SOX6: variants seen among roughly 807,000 people sequenced by gnomAD.
SOX6 encodes SRY-box transcription factor 6, also known as transcription factor SOX-6.
In SOX6, 11 loss-of-function variants were observed where a neutral mutation model predicts 97.8. That is an observed-to-expected ratio of 0.11 (90% CI 0.07 to 0.19). The LOEUF is 0.19. Among genes scored for constraint, SOX6 ranks in the 10% least tolerant of loss-of-function variants. The probability of loss-of-function intolerance (pLI) is 1.00; values close to 1 mark genes in which losing one functional copy is unlikely to be tolerated. For synonymous variants in SOX6, 360 were observed against 371.4 expected, an observed-to-expected ratio of 0.97 and a Z score of 0.35; for missense variants, 810 against 1,039.5, an observed-to-expected ratio of 0.78 and a Z score of 3.04.
chr11:16,117,120 C>A (rs972951380), intron 6 of SOX6, among the ~76,000 whole-genome samples: 2 of 152,018 alleles, frequency 1.3e-5, no homozygotes, highest in African/African-American at 4.8e-5. Flanking sequence ...GAGGCCAAGC[C>A]GGGTGGATCA....
At chr11:16,659,496 TG>T (rs35071200) in intron 3 of SOX6, among the ~76,000 whole-genome samples, 24,715 of 152,184 alleles carry the variant, frequency 0.16, 2,647 homozygotes, top group East Asian at 0.32. Context: ...CCTTCAATAA[TG>T]TGTTAGCTAT....
chr11:16,608,377 A>T (rs558538465), intron 4 of SOX6, among the ~76,000 whole-genome samples: 1 of 152,274 alleles, frequency 6.6e-6, no homozygotes, highest in East Asian at 1.9e-4. Flanking sequence ...GCGAGTCACG[A>T]GACAAACGGA....
At chr11:16,482,177 T>C (rs1244604580) in intron 4 of SOX6, among the ~76,000 whole-genome samples, 2 of 152,204 alleles carry the variant, frequency 1.3e-5, no homozygotes, top group African/African-American at 4.8e-5. Context: ...TGGCTATTCT[T>C]TTATATTATA....
intron 3 of SOX6, among the ~76,000 whole-genome samples, chr11:16,262,038 G>T (rs182391476): frequency 6.6e-6 from 1 of 152,056 alleles, no homozygotes; most frequent in Admixed American, 6.6e-5. Flanking sequence ...AAGCACAAAG[G>T]CTCTTTCAAC....
At chr11:16,363,691 CAGTT>C (rs1454433685) in intron 1 of SOX6, among the ~76,000 whole-genome samples, 22 of 152,226 alleles carry the variant, frequency 1.4e-4, no homozygotes, top group Admixed American at 1.4e-3. Flanking sequence ...AGTACTCCAA[CAGTT>C]AGTCTCTGCA....
chr11:16,263,539 C>T (rs186913581), intron 3 of SOX6, among the ~76,000 whole-genome samples: 1 of 151,918 alleles, frequency 6.6e-6, no homozygotes, highest in Admixed American at 6.6e-5. Context: ...TCCATAGTAC[C>T]TGAGAGTTTA....
rs139321584 is a variant in SOX6, at chr11:16,441,016, T to A, written c.-5+35299A>T. 2.6e-3 allele frequency among the ~76,000 whole-genome samples: 403 copies of A among 152,192 alleles called. 2 individuals are homozygous for A. Among genetic ancestry groups the A allele is most frequent in the African/African-American group, 9.1e-3 (377 of 41,532 alleles). On this transcript the variant is annotated intron_variant, in intron 1 of 15. Transcript: ENST00000396356. ...TCAGCCACCCTAAAAGCACTGGATT[T>A]TTAACTATTCATGAAGCCCAAATGT...
chr11:16,361,411 G>C (rs1336808304), upstream of SOX6, among the ~76,000 whole-genome samples: 3 of 152,066 alleles, frequency 2.0e-5, no homozygotes, highest in Non-Finnish European at 4.4e-5. Flanking sequence ...GGAAAAGATA[G>C]AAAGAAGAGT....
At chr11:16,519,272 T>C (rs912344351) in intron 4 of SOX6, among the ~76,000 whole-genome samples, 8 of 152,126 alleles carry the variant, frequency 5.3e-5, no homozygotes, top group Non-Finnish European at 8.8e-5. Flanking sequence ...ATGGTGACGT[T>C]TGGGATCCTG....
At position 16,056,707 on chromosome 11, in the gene SOX6, A is replaced by T. The variant is rs117083686; in HGVS notation, c.1102-806T>A. ...GTATTTTCTATAGTTCTCTTTGGCA[A>T]ACCAATGATCTTATTACTCATTCTA... On this transcript the variant is annotated intron_variant, in intron 9 of 15. Transcript: ENST00000683767. 3.9e-4 allele frequency among the ~76,000 whole-genome samples: 60 copies of T among 152,290 alleles called. No homozygotes were observed. The East Asian group carries it at 8.7e-3, about 22-fold the overall frequency.
chr11:16,495,610 C>A (rs1020500205), intron 4 of SOX6, among the ~76,000 whole-genome samples: 1 of 152,214 alleles, frequency 6.6e-6, no homozygotes, highest in African/African-American at 2.4e-5. Flanking sequence ...GTCATAGTTA[C>A]TGCCAACACA....
At chr11:16,726,427 A>G (rs1848306981) in intron 2 of SOX6, among the ~76,000 whole-genome samples, 1 of 152,226 alleles carries the variant, frequency 6.6e-6, no homozygotes, top group Admixed American at 6.5e-5. Flanking sequence ...AAATAAATAA[A>G]TAAATACAAT....
intron 3 of SOX6, among the ~76,000 whole-genome samples, chr11:16,271,285 T>C: frequency 1.3e-5 from 2 of 151,572 alleles, no homozygotes; most frequent in South Asian, 4.1e-4. Context: ...CATATTTTAT[T>C]TAGTATTTTT....
chr11:16,514,047 T>C (rs1161671067), intron 4 of SOX6, among the ~76,000 whole-genome samples: 2 of 151,884 alleles, frequency 1.3e-5, no homozygotes, highest in African/African-American at 2.4e-5. Context: ...CCTCCGTCTC[T>C]ACAAAAAAAT....
intron 4 of SOX6, among the ~76,000 whole-genome samples, chr11:16,560,542 CGT>C (rs1847800936): frequency 7.2e-5 from 6 of 83,674 alleles, no homozygotes; most frequent in Middle Eastern, 0.011. Context: ...TATGTTTATA[CGT>C]ACATATGTTT....
chr11:16,150,908 T>C (rs1353854603), intron 6 of SOX6, among the ~76,000 whole-genome samples: 1 of 152,170 alleles, frequency 6.6e-6, no homozygotes, highest in Non-Finnish European at 1.5e-5. Context: ...AAATTATTCG[T>C]ACCCAAGTGT....
chr11:16,059,925 C>T (rs1032017489), intron 9 of SOX6, among the ~76,000 whole-genome samples: 7 of 151,874 alleles, frequency 4.6e-5, no homozygotes, highest in Admixed American at 1.3e-4. Flanking sequence ...AAGATGGTTA[C>T]GAGATGAAAC....
chr11:16,443,791 G>A (rs1439491413), intron 1 of SOX6, among the ~76,000 whole-genome samples: 1 of 152,000 alleles, frequency 6.6e-6, no homozygotes, highest in African/African-American at 2.4e-5. Context: ...GAGGCAGGCA[G>A]ATCATGAGGT....
chr11:16,418,903 A>G (rs1298231114), intron 1 of SOX6, among the ~76,000 whole-genome samples: 1 of 152,120 alleles, frequency 6.6e-6, no homozygotes, highest in Non-Finnish European at 1.5e-5. Flanking sequence ...ACTTTCACTT[A>G]AGACAGCCTC....
Sources: gnomAD v4.1 joint callset for allele counts (sites outside exome capture counted in the v4.1 genomes callset) on GRCh38, gnomAD v4.1.1 for gene constraint, MANE v1.5 for transcripts, NCBI Gene and HGNC (gene_info 2026-07-23, HGNC 2026-07-21) for gene names.